PIK3C2G: variants seen among roughly 807,000 people sequenced by gnomAD.
PIK3C2G encodes phosphatidylinositol-4-phosphate 3-kinase catalytic subunit type 2 gamma.
In PIK3C2G, 168 loss-of-function variants were observed where a neutral mutation model predicts 181.1. The observed-to-expected ratio is 0.93, with a 90% confidence interval of 0.82 to 1.05. The LOEUF is 1.05. Among genes scored for constraint, PIK3C2G ranks in the 50% least tolerant of loss-of-function variants. The probability of loss-of-function intolerance (pLI) is 0.00; values close to 1 mark genes in which losing one functional copy is unlikely to be tolerated. For synonymous variants in PIK3C2G, 573 were observed against 592.2 expected (o/e 0.97, Z 0.47); for missense variants, 1,869 against 1,732.8 (o/e 1.08, Z -1.40).
chr12:18,688,548 G>T, the PIK3C2G span, among the ~76,000 whole-genome samples: 937 of 149,852 alleles, frequency 6.3e-3, 10 homozygotes, highest in African/African-American at 0.022. Context: ...TACTGTTTTT[G>T]AATTCATATA....
chr12:18,380,191 G>C lies in PIK3C2G; in HGVS notation c.1881-1575G>C, dbSNP rs139761766. Among the ~76,000 whole-genome samples the C allele has an allele frequency of 2.0e-5, 3 of 152,102 alleles. No homozygotes were observed. In the South Asian group the frequency reaches 6.2e-4, roughly 31 times the overall value. ...GAGGCAAACTGGGACGCCTATGTCC[G>C]CCGTGCTTACTCAGGTCCTTCTTTC... On this transcript the variant is annotated intron_variant, in intron 13 of 32. Transcript: ENST00000538779.
At chr12:18,668,316 G>T in the PIK3C2G span, among the ~76,000 whole-genome samples, 1 of 152,182 alleles carries the variant, frequency 6.6e-6, no homozygotes, top group South Asian at 2.1e-4. Context: ...TCTTTGGAAA[G>T]TCAGAGAAAC....
chr12:18,442,906 T>C (rs948721455), intron 18 of PIK3C2G, among the ~76,000 whole-genome samples: 27 of 152,024 alleles, frequency 1.8e-4, no homozygotes, highest in African/African-American at 6.5e-4. Flanking sequence ...ATTCTCACTC[T>C]TGTGGCCCAG....
At chr12:18,312,119 G>C (rs1038618562) in intron 5 of PIK3C2G, among the ~76,000 whole-genome samples, 1 of 151,988 alleles carries the variant, frequency 6.6e-6, no homozygotes, top group Non-Finnish European at 1.5e-5. Context: ...AGTCTGCCTT[G>C]CCCAATCCAC....
At chr12:18,578,257 A>T (rs567003139) in intron 29 of PIK3C2G, among the ~76,000 whole-genome samples, 35 of 152,278 alleles carry the variant, frequency 2.3e-4, no homozygotes, top group African/African-American at 8.4e-4. Context: ...GTCTATGTTG[A>T]TATGCACCAG....
intron 31 of PIK3C2G, among the ~76,000 whole-genome samples, chr12:18,622,003 G>A (rs188088001): frequency 5.8e-4 from 88 of 151,848 alleles, no homozygotes; most frequent in Admixed American, 1.2e-3. Flanking sequence ...TTAATACAAC[G>A]TGGAATGATT....
At chr12:18,467,067 T>G in intron 18 of PIK3C2G, among the ~76,000 whole-genome samples, 1 of 152,158 alleles carries the variant, frequency 6.6e-6, no homozygotes, top group Non-Finnish European at 1.5e-5. Context: ...GAAGAATAAA[T>G]TCTAAATAAC....
At chr12:18,276,190 GC>G (rs1948979247) in intron 1 of PIK3C2G, among the ~76,000 whole-genome samples, 1 of 152,074 alleles carries the variant, frequency 6.6e-6, no homozygotes, top group Non-Finnish European at 1.5e-5. Flanking sequence ...TACTCATGCA[GC>G]CCCCAGCAAG....
intron 24 of PIK3C2G, among the ~76,000 whole-genome samples, chr12:18,530,797 G>A (rs1340215724): frequency 6.6e-6 from 1 of 152,002 alleles, no homozygotes; most frequent in Non-Finnish European, 1.5e-5. Flanking sequence ...ACGTGAAGAT[G>A]GTGCCTGCTT....
intron 26 of PIK3C2G, among the ~76,000 whole-genome samples, chr12:18,553,147 A>C (rs1043854523): frequency 6.6e-6 from 1 of 152,152 alleles, no homozygotes; most frequent in African/African-American, 2.4e-5. Context: ...TTAACAAGCA[A>C]TTAGGCTACA....
intron 26 of PIK3C2G, among the ~76,000 whole-genome samples, chr12:18,561,266 G>A (rs555974478): frequency 6.6e-6 from 1 of 152,126 alleles, no homozygotes; most frequent in African/African-American, 2.4e-5. Flanking sequence ...GAGTTCAATT[G>A]TACTATACGG....
chr12:18,353,680 T>C (rs1940443907), intron 11 of PIK3C2G, among the ~76,000 whole-genome samples: 1 of 152,162 alleles, frequency 6.6e-6, no homozygotes, highest in Non-Finnish European at 1.5e-5. Flanking sequence ...TAGTATCTGT[T>C]CCCAGGGCCT....
intron 32 of PIK3C2G, among the ~76,000 whole-genome samples, chr12:18,642,841 G>A (rs1362776291): frequency 6.7e-6 from 1 of 148,446 alleles, no homozygotes; most frequent in Non-Finnish European, 1.5e-5. Flanking sequence ...GTAAATACAT[G>A]TATATACTGC....
chr12:18,449,490 C>T (rs1345285757), intron 18 of PIK3C2G, among the ~76,000 whole-genome samples: 1 of 152,008 alleles, frequency 6.6e-6, no homozygotes, highest in East Asian at 1.9e-4. Flanking sequence ...GTGTGATGTT[C>T]CCCTCCCTGT....
intron 31 of PIK3C2G, among the ~76,000 whole-genome samples, chr12:18,628,507 C>T (rs1312826463): frequency 1.3e-5 from 2 of 152,068 alleles, no homozygotes; most frequent in African/African-American, 4.8e-5. Flanking sequence ...GGGCAAGAAA[C>T]AAAGGCAGAA....
intron 16 of PIK3C2G, among the ~76,000 whole-genome samples, chr12:18,420,067 C>T (rs951951921): frequency 2.0e-5 from 3 of 152,090 alleles, no homozygotes; most frequent in Admixed American, 1.3e-4. Context: ...TTACTATAAG[C>T]AGTTCCTTCA....
the PIK3C2G span, chr12:18,695,045 C>T: frequency 6.2e-7 from 1 of 1,613,070 alleles, no homozygotes; most frequent in Non-Finnish European, 8.5e-7. Flanking sequence ...TTTGCAGATC[C>T]ATGGGCAGAC....
chr12:18,510,423 C>A (rs1187636319), intron 24 of PIK3C2G, among the ~76,000 whole-genome samples: 1 of 152,150 alleles, frequency 6.6e-6, no homozygotes, highest in Non-Finnish European at 1.5e-5. Flanking sequence ...CTCAAAATTT[C>A]AACTCAATAA....
intron 31 of PIK3C2G, among the ~76,000 whole-genome samples, chr12:18,615,863 CAG>C (rs373696725): frequency 1.3e-5 from 2 of 152,156 alleles, no homozygotes; most frequent in African/African-American, 2.4e-5. Context: ...AAAATTTTAA[CAG>C]AGTCTCTGTA....
Sources: gnomAD v4.1 joint callset for allele counts (sites outside exome capture counted in the v4.1 genomes callset) on GRCh38, gnomAD v4.1.1 for gene constraint, MANE v1.5 for transcripts, NCBI Gene and HGNC (gene_info 2026-07-23, HGNC 2026-07-21) for gene names.